AFG1L: variants seen among roughly 807,000 people sequenced by gnomAD.
AFG1L encodes the protein AFG1-like ATPase.
Under a neutral mutation model 62.2 loss-of-function variants are expected in AFG1L, and 53 were observed. The observed-to-expected ratio is 0.85, with a 90% CI of 0.68 to 1.07. AFG1L has a LOEUF of 1.07. AFG1L is among the 50% of genes least tolerant of loss of function. The probability of loss-of-function intolerance (pLI) is 0.00; values close to 1 mark genes in which losing one functional copy is unlikely to be tolerated. For synonymous variants in AFG1L, 228 were observed against 210.3 expected, an observed-to-expected ratio of 1.08 and a Z score of -0.73; for missense variants, 555 against 590.5, an observed-to-expected ratio of 0.94 and a Z score of 0.62.
intron 7 of AFG1L, among the ~76,000 whole-genome samples, chr6:108,403,095 G>A (rs1272738981): frequency 6.6e-6 from 1 of 151,914 alleles, no homozygotes; most frequent in Non-Finnish European, 1.5e-5. Flanking sequence ...TAGGCATAAT[G>A]GATAATAGAA....
intron 6 of AFG1L, among the ~76,000 whole-genome samples, chr6:108,393,365 C>T (rs1219049364): frequency 1.3e-5 from 2 of 152,190 alleles, no homozygotes; most frequent in East Asian, 3.9e-4. Context: ...GGTCCATTTT[C>T]ACTTGTGTTC....
intron 1 of AFG1L, among the ~76,000 whole-genome samples, chr6:108,301,279 C>G (rs1776988879): frequency 6.6e-6 from 1 of 152,120 alleles, no homozygotes; most frequent in African/African-American, 2.4e-5. Context: ...CTAATAATGC[C>G]ATAGCCTCCT....
intron 7 of AFG1L, among the ~76,000 whole-genome samples, chr6:108,425,987 A>G (rs1323641571): frequency 6.6e-6 from 1 of 152,222 alleles, no homozygotes; most frequent in Non-Finnish European, 1.5e-5. Context: ...AAGCAGTGAA[A>G]TGACAAAAAG....
chr6:108,508,871 T>C (rs183337146), intron 10 of AFG1L, among the ~76,000 whole-genome samples: 46 of 152,242 alleles, frequency 3.0e-4, no homozygotes, highest in Admixed American at 6.5e-4. Flanking sequence ...CCAAATGAGA[T>C]AGACATTTCT....
At chr6:108,499,952 C>G (rs1774122763) in intron 10 of AFG1L, among the ~76,000 whole-genome samples, 1 of 152,078 alleles carries the variant, frequency 6.6e-6, no homozygotes, top group South Asian at 2.1e-4. Context: ...GCCCCCTTTT[C>G]TTGCTCCCTG....
chr6:108,296,992 A>G (rs1037113222), intron 1 of AFG1L, among the ~76,000 whole-genome samples: 1 of 152,242 alleles, frequency 6.6e-6, no homozygotes, highest in Non-Finnish European at 1.5e-5. Flanking sequence ...ACTTTCTCCA[A>G]TACACAAAAT....
At chr6:108,466,464 A>G (rs2114790149) in intron 8 of AFG1L, among the ~76,000 whole-genome samples, 3 of 152,264 alleles carry the variant, frequency 2.0e-5, no homozygotes, top group Middle Eastern at 6.8e-3. Context: ...CAGTGGAACT[A>G]TATTTGGAGA....
chr6:108,389,900 T>A (rs1030216447), intron 6 of AFG1L, among the ~76,000 whole-genome samples: 2 of 152,116 alleles, frequency 1.3e-5, no homozygotes, highest in South Asian at 4.1e-4. Context: ...CGTTCTCTGT[T>A]TTTCCTGAAT....
At chr6:108,388,036 T>G (rs1041877369) in intron 6 of AFG1L, 1 of 152,180 alleles carries the variant, frequency 6.6e-6, no homozygotes, top group Admixed American at 6.5e-5. Flanking sequence ...GTAAGGCCTT[T>G]AGACTCCAAA....
At chr6:108,425,357 G>C (rs1464286343) in intron 7 of AFG1L, among the ~76,000 whole-genome samples, 1 of 152,150 alleles carries the variant, frequency 6.6e-6, no homozygotes, top group East Asian at 1.9e-4. Flanking sequence ...GCTGGGTTGT[G>C]ATCAGTTGCC....
At chr6:108,508,009 C>G (rs1774488735) in intron 10 of AFG1L, among the ~76,000 whole-genome samples, 1 of 152,108 alleles carries the variant, frequency 6.6e-6, no homozygotes, top group South Asian at 2.1e-4. Context: ...TAAAAGTAGC[C>G]AAGATGGTTT....
chr6:108,493,829 T>C (rs1402981405), intron 10 of AFG1L, among the ~76,000 whole-genome samples: 1 of 152,152 alleles, frequency 6.6e-6, no homozygotes, highest in African/African-American at 2.4e-5. Flanking sequence ...GATTTCCTAC[T>C]TCTTCATCTT....
At chr6:108,515,847 C>A (rs1273586677) in intron 11 of AFG1L, among the ~76,000 whole-genome samples, 3 of 152,200 alleles carry the variant, frequency 2.0e-5, no homozygotes, top group Non-Finnish European at 2.9e-5. Context: ...GAAATACAAA[C>A]TACCATCAGA....
At chr6:108,362,468 T>C (rs189443586) in intron 5 of AFG1L, among the ~76,000 whole-genome samples, 1 of 152,326 alleles carries the variant, frequency 6.6e-6, no homozygotes, top group East Asian at 1.9e-4. Flanking sequence ...AATATAATTC[T>C]AGCTACAGCT....
chr6:108,496,142 TAGG>T (rs762064148), intron 10 of AFG1L, among the ~76,000 whole-genome samples: 1 of 152,228 alleles, frequency 6.6e-6, no homozygotes, highest in Admixed American at 6.5e-5. Context: ...TTTAGTTACA[TAGG>T]AGGATCAACT....
intron 6 of AFG1L, among the ~76,000 whole-genome samples, chr6:108,381,508 A>G (rs945646709): frequency 1.3e-5 from 2 of 152,192 alleles, no homozygotes; most frequent in Non-Finnish European, 2.9e-5. Context: ...TCAAGGCTAC[A>G]GTGAGCTACA....
At chr6:108,515,974 A>T (rs1774867493) in intron 11 of AFG1L, among the ~76,000 whole-genome samples, 1 of 152,246 alleles carries the variant, frequency 6.6e-6, no homozygotes, top group Non-Finnish European at 1.5e-5. Flanking sequence ...CTCTGAATAG[A>T]CCAATAACAG....
intron 2 of AFG1L, among the ~76,000 whole-genome samples, chr6:108,338,971 A>G (rs931999626): frequency 2.0e-5 from 3 of 151,680 alleles, no homozygotes; most frequent in Non-Finnish European, 4.4e-5. Context: ...GTCCCCCTAC[A>G]TCTTTGTTAA....
chr6:108,414,586 C>T (rs1782273499), intron 7 of AFG1L, among the ~76,000 whole-genome samples: 1 of 152,194 alleles, frequency 6.6e-6, no homozygotes, highest in Admixed American at 6.5e-5. Flanking sequence ...ATCAAGTTGG[C>T]TTCTTCCCTG....
Sources: allele counts gnomAD v4.1 joint callset (sites outside exome capture counted in the v4.1 genomes callset), GRCh38; gene constraint gnomAD v4.1.1; transcripts MANE v1.5; gene names NCBI Gene and HGNC (gene_info 2026-07-23, HGNC 2026-07-21).